Variants in TPR observed in about 807,000 individuals in gnomAD.
TPR encodes nucleoprotein TPR.
TPR carries 51 observed loss-of-function variants against 316.1 expected under a neutral mutation model. The observed-to-expected ratio is 0.16, with a 90% CI of 0.13 to 0.20. The LOEUF (loss-of-function observed/expected upper bound fraction) is 0.20. Among genes scored for constraint, TPR ranks in the 10% least tolerant of loss-of-function variants. TPR has a pLI of 1.00. For synonymous variants in TPR, 981 were observed against 914.7 expected (o/e 1.07, Z -1.31); for missense variants, 2,272 against 2,754.8 (o/e 0.82, Z 3.92).
chr1:186,362,519 G>A, intron 6 of TPR, 139 bp from the exon 7 acceptor site: 1 of 681,688 alleles, frequency 1.5e-6, no homozygotes, highest in Non-Finnish European at 2.5e-6. Context: ...GCATATTTAA[G>A]AAAACTAAGA....
In TPR at chr1:186,360,574, T is replaced by C. The variant is rs1389502178; in HGVS notation, c.1099+191A>G. Among the ~76,000 whole-genome samples the C allele has an allele frequency of 2.6e-5, 4 of 152,212 alleles. No homozygotes were observed. In the East Asian group the frequency reaches 7.7e-4, roughly 29 times the overall value. ...ATTTACAAGACTGTGTGTGATCAAA[T>C]GGTATTTATATGCCCGATTCTGTAA... is the stretch of plus-strand genomic sequence containing the variant. On this transcript the variant is annotated intron_variant, in intron 10 of 50. Coordinates refer to ENST00000367478, the MANE Select transcript of TPR (RefSeq NM_003292.3).
intron 16 of TPR, 34 bp from the exon 17 acceptor site, chr1:186,355,592 T>A: frequency 6.2e-7 from 1 of 1,613,602 alleles, no homozygotes; most frequent in South Asian, 1.1e-5. Flanking sequence ...GGTAACACTG[T>A]GTTCTCTAAA....
intron 49 of TPR, among the ~76,000 whole-genome samples, chr1:186,315,552 C>CT (rs1474701366): frequency 6.6e-6 from 1 of 152,080 alleles, no homozygotes; most frequent in Non-Finnish European, 1.5e-5. Flanking sequence ...CTTTTCCTGA[C>CT]TTACTGCAGT....
In TPR at chr1:186,317,485, C is replaced by T; in HGVS notation, c.6937G>A (p.Val2313Ile). ...GCAGTCAAGGGCAGGGACTCACCTA[C>T]AGATGAGCTAGAAGGAGGATCCTGG... ...TSQDPPSSSS[V>I]DTSSSQPKPF... Residue 2313 changes from valine to isoleucine, a missense_variant, in exon 49 of 51, where the codon GTA becomes ATA. By Grantham distance (29) the Val-to-Ile change is conservative (BLOSUM62 3). Transcript: ENST00000367478. 1 of 1,613,788 alleles carries T rather than the reference C, an allele frequency of 6.2e-7. No homozygotes were observed. The highest frequency in any genetic ancestry group is 8.5e-7 in the Non-Finnish European group (1 of 1,179,688).
At chr1:186,343,873 C>A in intron 26 of TPR, 33 bp downstream of exon 26, 1 of 1,553,412 alleles carries the variant, frequency 6.4e-7, no homozygotes, top group Non-Finnish European at 8.8e-7. Flanking sequence ...AGTTGTTATA[C>A]CACAGAAATG....
At chr1:186,318,876 T>G (rs1414160007) in intron 46 of TPR, 48 bp from the exon 47 acceptor site, 5 of 1,565,872 alleles carry the variant, frequency 3.2e-6, no homozygotes, top group Non-Finnish European at 3.5e-6. Context: ...AAACATAAAA[T>G]TATCAACAAG....
intron 2 of TPR, 22 bp downstream of exon 2, chr1:186,373,336 AC>A: frequency 6.4e-7 from 1 of 1,567,948 alleles, no homozygotes; most frequent in Non-Finnish European, 8.7e-7. Context: ...GAGAATACTT[AC>A]AAAGATGAAT....
chr1:186,316,912 A>G (rs189071868), intron 49 of TPR, among the ~76,000 whole-genome samples: 5 of 152,376 alleles, frequency 3.3e-5, no homozygotes, highest in Admixed American at 1.3e-4. Flanking sequence ...TACAGGAATA[A>G]TACATATCTT....
At chr1:186,372,965 ACT>A (rs1184039910) in intron 2 of TPR, among the ~76,000 whole-genome samples, 5 of 152,180 alleles carry the variant, frequency 3.3e-5, no homozygotes, top group African/African-American at 4.8e-5. Context: ...AAAACAAGCC[ACT>A]CTCTACTTCT....
chr1:186,335,584 A>G, intron 33 of TPR, 41 bp from the exon 34 acceptor site: 1 of 1,468,236 alleles, frequency 6.8e-7, no homozygotes, highest in South Asian at 1.4e-5. Flanking sequence ...ATTATAATCA[A>G]ACATTTAAAA....
chr1:186,321,394 A>G (rs188114167), intron 45 of TPR, among the ~76,000 whole-genome samples: 39 of 152,338 alleles, frequency 2.6e-4, no homozygotes, highest in Admixed American at 6.5e-4. Context: ...TCACACGGAG[A>G]GCCTTTCAAC....
In TPR at chr1:186,344,472, G is replaced by A. The variant is rs535533901; in HGVS notation, c.3320C>T (p.Ala1107Val). ...TTCTTCCAAATGCTGACGGACTGAT[G>A]CCATTTTTGAAACCTGCTCCTTCGC... The part of the protein sequence containing the change: ...QAAKEQVSKM[A>V]SVRQHLEETT... The change falls in exon 25 of 51, where the codon GCA becomes GTA. Residue 1107 changes from alanine to valine, a missense_variant. By Grantham distance (64) the Ala-to-Val change is moderately conservative. This residue lies in a region of TPR where 757 missense variants were observed against 859.8 expected (regional missense o/e 0.88). Coordinates refer to ENST00000367478, the MANE Select transcript of TPR (RefSeq NM_003292.3). 3 of 1,613,678 alleles carry A rather than the reference G, an allele frequency of 1.9e-6. No individual in the cohort carries two copies. The Admixed American group carries it at 5.0e-5, about 27-fold the overall frequency.
At chr1:186,315,213 A>AAAC (rs1657567595) in intron 49 of TPR, among the ~76,000 whole-genome samples, 1 of 150,552 alleles carries the variant, frequency 6.6e-6, no homozygotes, top group Non-Finnish European at 1.5e-5. Flanking sequence ...TCTCAAAAAA[A>AAAC]AAACAAACAA....
At chr1:186,369,839 GTTTC>G (rs1179093548) in intron 3 of TPR, among the ~76,000 whole-genome samples, 9 of 151,760 alleles carry the variant, frequency 5.9e-5, no homozygotes, top group African/African-American at 1.5e-4. Context: ...AAAGCTTTCA[GTTTC>G]TTTCTTTCAG....
intron 5 of TPR, 84 bp downstream of exon 5, chr1:186,363,258 T>G: frequency 8.4e-7 from 1 of 1,195,182 alleles, no homozygotes; most frequent in Non-Finnish European, 1.2e-6. Flanking sequence ...TTTTAATTAC[T>G]TTATTGCCTA....
At chr1:186,319,767 G>T (rs1657721407) in intron 46 of TPR, among the ~76,000 whole-genome samples, 1 of 152,110 alleles carries the variant, frequency 6.6e-6, no homozygotes, top group Non-Finnish European at 1.5e-5. Flanking sequence ...AGGATTAAAA[G>T]GTAATCAATT....
At chr1:186,327,768 GA>G (rs1228375220) in intron 39 of TPR, 108 bp from the exon 40 acceptor site, 1 of 936,392 alleles carries the variant, frequency 1.1e-6, no homozygotes, top group Non-Finnish European at 1.6e-6. Flanking sequence ...AGTACTTATG[GA>G]CTAGCAGCAT....
At chr1:186,340,216 A>G (rs979434669) in intron 29 of TPR, among the ~76,000 whole-genome samples, 2 of 152,174 alleles carry the variant, frequency 1.3e-5, no homozygotes, top group African/African-American at 2.4e-5. Flanking sequence ...TTATCACACG[A>G]AAGGTGATAA....
chr1:186,325,652 C>G, intron 42 of TPR, 112 bp downstream of exon 42: 1 of 823,434 alleles, frequency 1.2e-6, no homozygotes, highest in Non-Finnish European at 1.8e-6. Flanking sequence ...GAACAGGGGC[C>G]AATCTCTTTT....
Sources: gnomAD v4.1 joint callset for allele counts (sites outside exome capture counted in the v4.1 genomes callset) on GRCh38, gnomAD v4.1.1 for gene constraint, gnomAD v4.1.1 regional missense constraint, MANE v1.5 for transcripts, NCBI Gene and HGNC (gene_info 2026-07-23, HGNC 2026-07-21) for gene names.